Variants in AFTPH observed in about 807,000 individuals in gnomAD.
The protein encoded by AFTPH is aftiphilin.
AFTPH carries 7 observed loss-of-function variants against 72.5 expected under a neutral mutation model. The observed-to-expected ratio is 0.10, with a 90% CI of 0.05 to 0.18. The LOEUF is 0.18. AFTPH is among the 10% of genes least tolerant of loss of function. AFTPH has a pLI of 1.00. For missense variants in AFTPH, 979 were observed against 1,060.5 expected, an observed-to-expected ratio of 0.92 and a Z score of 1.07; for synonymous variants, 337 against 370.1, an observed-to-expected ratio of 0.91 and a Z score of 1.03.
At chr2:64,548,861 C>T (rs1670841232) in intron 1 of AFTPH, among the ~76,000 whole-genome samples, 1 of 151,984 alleles carries the variant, frequency 6.6e-6, no homozygotes, top group Admixed American at 6.6e-5. Flanking sequence ...GCAGTTATTT[C>T]CTTCTTTATG....
At chr2:64,542,411 C>T (rs1409222410) in intron 1 of AFTPH, among the ~76,000 whole-genome samples, 1 of 152,168 alleles carries the variant, frequency 6.6e-6, no homozygotes, top group Non-Finnish European at 1.5e-5. Context: ...CAAGCACCTT[C>T]TAAATTCTTG....
At chr2:64,542,161 T>G (rs1670291205) in intron 1 of AFTPH, among the ~76,000 whole-genome samples, 1 of 152,204 alleles carries the variant, frequency 6.6e-6, no homozygotes, top group South Asian at 2.1e-4. Flanking sequence ...GTGTGTGCTG[T>G]ATGTTTTTAA....
chr2:64,551,510 C>T (rs1671046326), exon 2 of AFTPH: 1 of 1,613,852 alleles, frequency 6.2e-7, no homozygotes, highest in Non-Finnish European at 8.5e-7. Context: ...ACTCTTCATC[C>T]CCACCACCAT....
At chr2:64,536,895 G>C (rs1222085180) in intron 1 of AFTPH, among the ~76,000 whole-genome samples, 2 of 145,642 alleles carry the variant, frequency 1.4e-5, no homozygotes, top group Middle Eastern at 3.3e-3. Context: ...AGAGGCAGCA[G>C]TGAGCCATGA....
intron 1 of AFTPH, among the ~76,000 whole-genome samples, chr2:64,540,201 A>G (rs998292403): frequency 2.0e-5 from 3 of 152,116 alleles, no homozygotes; most frequent in African/African-American, 7.2e-5. Context: ...AGAGTGACTA[A>G]TTTATTCTGC....
chr2:64,578,558 ATTTTTTTT>A (rs11366274), intron 6 of AFTPH, among the ~76,000 whole-genome samples: 4 of 146,276 alleles, frequency 2.7e-5, no homozygotes, highest in Non-Finnish European at 4.5e-5. Context: ...GGAATAGTGA[ATTTTTTTT>A]TTTTTTTTTA....
chr2:64,549,781 GAAAA>G (rs11315536), intron 1 of AFTPH, among the ~76,000 whole-genome samples: 1 of 148,888 alleles, frequency 6.7e-6, no homozygotes, highest in Admixed American at 6.7e-5. Flanking sequence ...TGGCTGTTGA[GAAAA>G]AAAAAATTCA....
At chr2:64,535,440 A>C (rs1240737823) in intron 1 of AFTPH, among the ~76,000 whole-genome samples, 5 of 152,232 alleles carry the variant, frequency 3.3e-5, no homozygotes. Flanking sequence ...AATAGATATA[A>C]AGGAGGATTA....
intron 2 of AFTPH, among the ~76,000 whole-genome samples, chr2:64,555,388 C>G (rs1671290512): frequency 2.0e-5 from 3 of 152,048 alleles, no homozygotes; most frequent in Admixed American, 1.3e-4. Context: ...TGGTGAGACC[C>G]TGTCTCTACT....
intron 8 of AFTPH, among the ~76,000 whole-genome samples, chr2:64,587,231 T>C (rs1213759451): frequency 6.6e-6 from 1 of 152,232 alleles, no homozygotes; most frequent in Admixed American, 6.5e-5. Context: ...TAATGTATCC[T>C]GGAGTTAATG....
chr2:64,536,566 T>TA lies in AFTPH; in HGVS notation c.-33+11977dup, dbSNP rs142981388. Among the ~76,000 whole-genome samples, 620 of 107,524 alleles carry TA rather than the reference T, an allele frequency of 5.8e-3. 3 individuals carry two copies. The highest frequency in any genetic ancestry group is 0.028 in the East Asian group (116 of 4,142). 70.5% of individuals were successfully genotyped at this position (107,524 alleles called of 152,430 possible). On this transcript the variant is annotated intron_variant, in intron 1 of 8. Coordinates refer to ENST00000238856, the Ensembl canonical transcript of AFTPH. ...GACAGAGCAGAGCGAGACTCCATCT[T>TA]AAAAAAAAAAAAAAAAAAAAAAAGA...
chr2:64,575,693 ATGTGTGTATATGTGTG>A (rs1477323441), intron 6 of AFTPH, among the ~76,000 whole-genome samples: 22 of 135,434 alleles, frequency 1.6e-4, no homozygotes, highest in Non-Finnish European at 6.3e-5. Context: ...ATATATATGT[ATGTGTGTATATGTGTG>A]TGTGTGTGTG....
intron 5 of AFTPH, among the ~76,000 whole-genome samples, chr2:64,571,115 C>A (rs1373474975): frequency 6.6e-6 from 1 of 151,768 alleles, no homozygotes; most frequent in East Asian, 1.9e-4. Flanking sequence ...CCCATGGTAC[C>A]TTACACATTT....
chr2:64,540,573 A>G (rs1204435096), intron 1 of AFTPH, among the ~76,000 whole-genome samples: 1 of 152,164 alleles, frequency 6.6e-6, no homozygotes, highest in Admixed American at 6.5e-5. Context: ...CTTCTCTCAA[A>G]TAACTCATTG....
intron 1 of AFTPH, among the ~76,000 whole-genome samples, chr2:64,529,531 G>A (rs571497720): frequency 1.3e-5 from 2 of 151,930 alleles, no homozygotes; most frequent in South Asian, 2.1e-4. Context: ...TAGATGCTCA[G>A]TAAATAGTGG....
intron 2 of AFTPH, 89 bp from the exon 3 acceptor site, chr2:64,567,473 G>A: frequency 1.5e-6 from 2 of 1,354,210 alleles, no homozygotes; most frequent in South Asian, 2.9e-5. Context: ...GTAGTGGACA[G>A]GGTGTGCGTG....
At chr2:64,542,554 C>G (rs1453340224) in intron 1 of AFTPH, among the ~76,000 whole-genome samples, 1 of 152,098 alleles carries the variant, frequency 6.6e-6, no homozygotes, top group Non-Finnish European at 1.5e-5. Context: ...GACCCTTGAG[C>G]TTGTTTAGAG....
At chr2:64,529,820 A>G (rs529470692) in intron 1 of AFTPH, among the ~76,000 whole-genome samples, 6 of 152,058 alleles carry the variant, frequency 3.9e-5, no homozygotes, top group Non-Finnish European at 8.8e-5. Flanking sequence ...TAGTAGAGAC[A>G]GGGCCTTGTT....
At chr2:64,571,155 C>T (rs9309361) in intron 5 of AFTPH, among the ~76,000 whole-genome samples, 67,574 of 151,626 alleles carry the variant, frequency 0.45, 15,803 homozygotes, top group African/African-American at 0.61. Context: ...TGATCTCACC[C>T]GGAGAAATAG....
Sources: allele counts gnomAD v4.1 joint callset (sites outside exome capture counted in the v4.1 genomes callset), GRCh38; gene constraint gnomAD v4.1.1; transcripts MANE v1.5; gene names NCBI Gene and HGNC (gene_info 2026-07-23, HGNC 2026-07-21).